The following KLF12 variants were observed in gnomAD, a reference collection of about 807,000 sequenced individuals.
KLF12 encodes KLF transcription factor 12.
In KLF12, 9 loss-of-function variants were observed where a neutral mutation model predicts 37.8. The ratio of observed to expected loss-of-function variants is 0.24; its 90% CI spans 0.14 to 0.42. The LOEUF (loss-of-function observed/expected upper bound fraction) is 0.42, where lower values mean the gene tolerates loss of function less well. KLF12 is among the 10% of genes least tolerant of loss of function. The pLI is 1.00. For synonymous variants in KLF12, 208 were observed against 202.1 expected (o/e 1.03, Z -0.25); for missense variants, 411 against 516.0 (o/e 0.80, Z 1.97).
intron 2 of KLF12, among the ~76,000 whole-genome samples, chr13:73,982,796 A>G (rs1368348211): frequency 2.0e-5 from 3 of 152,150 alleles, no homozygotes; most frequent in Non-Finnish European, 4.4e-5. Flanking sequence ...AGTCCTGTAA[A>G]CCAGACCCTT....
intron 2 of KLF12, among the ~76,000 whole-genome samples, chr13:73,980,953 A>T (rs1404220876): frequency 2.6e-5 from 4 of 152,162 alleles, no homozygotes; most frequent in Admixed American, 2.6e-4. Flanking sequence ...TGAGGCCAGA[A>T]GTTCGAAACC....
intron 3 of KLF12, among the ~76,000 whole-genome samples, chr13:73,938,830 G>A (rs1287722529): frequency 6.6e-6 from 1 of 152,110 alleles, no homozygotes; most frequent in African/African-American, 2.4e-5. Context: ...GGCCAAGGTG[G>A]ATATTTCCTG....
intron 3 of KLF12, among the ~76,000 whole-genome samples, chr13:73,893,531 G>A (rs544821118): frequency 2.1e-4 from 32 of 151,892 alleles, no homozygotes; most frequent in African/African-American, 7.2e-4. Context: ...ATAGGAGCGC[G>A]CTGCTATACC....
At chr13:74,222,510 G>A in the KLF12 span, among the ~76,000 whole-genome samples, 1 of 152,088 alleles carries the variant, frequency 6.6e-6, no homozygotes, top group Non-Finnish European at 1.5e-5. Context: ...AAAAGTTTGT[G>A]TTGTCTTTTG....
At chr13:74,188,610 A>G in the KLF12 span, among the ~76,000 whole-genome samples, 18 of 152,184 alleles carry the variant, frequency 1.2e-4, no homozygotes, top group African/African-American at 4.1e-4. Context: ...TGGCTCTACC[A>G]TTTATTTATG....
At chr13:74,032,332 T>C (rs926504681) in intron 1 of KLF12, among the ~76,000 whole-genome samples, 1 of 152,060 alleles carries the variant, frequency 6.6e-6, no homozygotes, top group South Asian at 2.1e-4. Context: ...ATCTAGATAA[T>C]TGCATCTAGA....
chr13:73,708,592 T>C (rs1190608933), intron 7 of KLF12, among the ~76,000 whole-genome samples: 1 of 152,194 alleles, frequency 6.6e-6, no homozygotes, highest in East Asian at 1.9e-4. Flanking sequence ...CTAGTGGCTG[T>C]AGGAATCACT....
the KLF12 span, among the ~76,000 whole-genome samples, chr13:74,148,955 C>G: frequency 1.3e-5 from 2 of 152,214 alleles, no homozygotes; most frequent in Non-Finnish European, 2.9e-5. Context: ...GCTGGAATTA[C>G]AGGCACCTGC....
At chr13:73,957,056 G>A (rs199611111) in intron 2 of KLF12, among the ~76,000 whole-genome samples, 4 of 57,864 alleles carry the variant, frequency 6.9e-5, no homozygotes, top group East Asian at 1.8e-3. Flanking sequence ...GAAAGGAAAG[G>A]AAAGGAAAGG....
chr13:74,026,174 T>C (rs192136199), intron 1 of KLF12, among the ~76,000 whole-genome samples: 1 of 151,664 alleles, frequency 6.6e-6, no homozygotes, highest in African/African-American at 2.4e-5. Context: ...AAAAAAAACC[T>C]TTACCTTGGA....
chr13:73,831,814 T>C (rs192270709), intron 4 of KLF12, among the ~76,000 whole-genome samples: 58 of 152,314 alleles, frequency 3.8e-4, no homozygotes, highest in African/African-American at 1.3e-3. Context: ...AGTAGATCTA[T>C]TTTCTTTCAG....
At chr13:73,717,146 T>C (rs1472251098) in intron 6 of KLF12, among the ~76,000 whole-genome samples, 1 of 152,166 alleles carries the variant, frequency 6.6e-6, no homozygotes, top group Non-Finnish European at 1.5e-5. Flanking sequence ...CAAATGAATG[T>C]CGTTATGTTC....
chr13:74,058,082 G>A (rs897842943), intron 1 of KLF12, among the ~76,000 whole-genome samples: 7 of 149,084 alleles, frequency 4.7e-5, no homozygotes, highest in South Asian at 2.1e-4. Context: ...TTCTCCTACC[G>A]CAGCCTCCCG....
chr13:74,256,873 G>A, the KLF12 span: 2 of 152,286 alleles, frequency 1.3e-5, no homozygotes, highest in South Asian at 2.1e-4. Flanking sequence ...CACTGTCCCT[G>A]AAGACATATT....
chr13:73,961,442 T>G (rs1162973182), intron 2 of KLF12, among the ~76,000 whole-genome samples: 1 of 151,944 alleles, frequency 6.6e-6, no homozygotes, highest in African/African-American at 2.4e-5. Flanking sequence ...GTCCCGAAAT[T>G]GGAGACAAAG....
intron 2 of KLF12, among the ~76,000 whole-genome samples, chr13:73,966,889 T>G (rs1891184604): frequency 6.6e-6 from 1 of 152,192 alleles, no homozygotes; most frequent in Non-Finnish European, 1.5e-5. Flanking sequence ...ATAACTAATT[T>G]CAGCCACTTA....
At chr13:73,984,446 G>C (rs1891771178) in intron 2 of KLF12, among the ~76,000 whole-genome samples, 1 of 152,164 alleles carries the variant, frequency 6.6e-6, no homozygotes, top group Admixed American at 6.5e-5. Flanking sequence ...AAGGGTGCCA[G>C]CTTCTCCCAC....
At chr13:73,946,188 C>A (rs1357313960) in intron 2 of KLF12, among the ~76,000 whole-genome samples, 1 of 152,008 alleles carries the variant, frequency 6.6e-6, no homozygotes. Flanking sequence ...GGAGTTCTTG[C>A]CCAGATGAGA....
chr13:73,916,692 T>C (rs993613181), intron 3 of KLF12, among the ~76,000 whole-genome samples: 14 of 152,222 alleles, frequency 9.2e-5, no homozygotes, highest in African/African-American at 3.1e-4. Context: ...GTAAGTTACT[T>C]TGCAGTGAGG....
Sources: gnomAD v4.1 joint callset for allele counts (sites outside exome capture counted in the v4.1 genomes callset) on GRCh38, gnomAD v4.1.1 for gene constraint, MANE v1.5 for transcripts, NCBI Gene and HGNC (gene_info 2026-07-23, HGNC 2026-07-21) for gene names.